The following CALCR variants were observed in gnomAD, a reference collection of about 807,000 sequenced individuals.
CALCR encodes the protein calcitonin receptor.
CALCR carries 47 observed loss-of-function variants against 59.5 expected under a neutral mutation model. The observed-to-expected ratio is 0.79, with a 90% confidence interval of 0.63 to 1.01. The LOEUF is 1.01. Among genes scored for constraint, CALCR ranks in the 50% least tolerant of loss-of-function variants. The pLI, the probability that CALCR is intolerant of heterozygous loss-of-function variation, is 0.00. For synonymous variants in CALCR, 213 were observed against 211.3 expected, an observed-to-expected ratio of 1.01 and a Z score of -0.07; for missense variants, 566 against 597.1, an observed-to-expected ratio of 0.95 and a Z score of 0.54.
chr7:93,460,591 A>ATATATATATATATG (rs1346977328), intron 8 of CALCR, among the ~76,000 whole-genome samples: 3 of 115,598 alleles, frequency 2.6e-5, no homozygotes, highest in African/African-American at 1.2e-4. Flanking sequence ...ATATATATAT[A>ATATATATATATATG]TGTATATATA....
chr7:93,430,470 A>G (rs1799635619), intron 13 of CALCR, among the ~76,000 whole-genome samples: 2 of 152,162 alleles, frequency 1.3e-5, no homozygotes, highest in Admixed American at 6.5e-5. Flanking sequence ...ATTCCCATTC[A>G]TTATCTCTTT....
In CALCR at chr7:93,438,690, C is replaced by T. The variant is rs73419373; in HGVS notation, c.803-420G>A. On this transcript the variant is annotated intron_variant, in intron 9 of 13. Transcript: ENST00000426151. ...TGGGACGGTGTATGAAAGCAATAGT[C>T]TGATTGCTCCTAAAGCCTTAGCTGA... 7.6e-3 allele frequency among the ~76,000 whole-genome samples: 1,159 copies of T among 152,284 alleles called. 20 individuals are homozygous for T. The highest frequency in any genetic ancestry group is 0.026 in the African/African-American group (1,080 of 41,556).
chr7:93,559,334 C>A (rs562942890), intron 2 of CALCR, among the ~76,000 whole-genome samples: 40 of 152,096 alleles, frequency 2.6e-4, no homozygotes, highest in African/African-American at 9.6e-4. Flanking sequence ...AGACACAACA[C>A]ATCAGTTTCC....
intron 5 of CALCR, among the ~76,000 whole-genome samples, chr7:93,473,275 G>T (rs935255741): frequency 6.6e-6 from 1 of 151,780 alleles, no homozygotes; most frequent in Non-Finnish European, 1.5e-5. Flanking sequence ...CTTCTTTAAC[G>T]TTAATAATGA....
At chr7:93,500,314 C>A (rs1389700973) in intron 2 of CALCR, among the ~76,000 whole-genome samples, 1 of 151,858 alleles carries the variant, frequency 6.6e-6, no homozygotes, top group Non-Finnish European at 1.5e-5. Flanking sequence ...CTCTTAGTCA[C>A]CTTTAACATT....
chr7:93,502,454 G>A (rs1232168705), intron 2 of CALCR, among the ~76,000 whole-genome samples: 1 of 151,998 alleles, frequency 6.6e-6, no homozygotes, highest in Non-Finnish European at 1.5e-5. Flanking sequence ...TTGAAAATAA[G>A]TTGTCAATGA....
At chr7:93,469,294 G>A (rs1194505985) in intron 6 of CALCR, among the ~76,000 whole-genome samples, 6 of 149,862 alleles carry the variant, frequency 4.0e-5, no homozygotes, top group Admixed American at 3.4e-4. Flanking sequence ...GGTTGAAGCC[G>A]AAACCTTTCC....
chr7:93,429,275 C>T (rs1031750144), intron 13 of CALCR, among the ~76,000 whole-genome samples: 6 of 152,122 alleles, frequency 3.9e-5, no homozygotes, highest in Non-Finnish European at 8.8e-5. Flanking sequence ...TCTGATGCTG[C>T]TCTGATGACA....
chr7:93,521,990 C>A (rs1021043999), intron 2 of CALCR, among the ~76,000 whole-genome samples: 2 of 152,090 alleles, frequency 1.3e-5, no homozygotes, highest in Admixed American at 1.3e-4. Context: ...TTCCGTTTCC[C>A]TTTCCCCAAT....
At chr7:93,513,900 T>C (rs1047825107) in intron 2 of CALCR, among the ~76,000 whole-genome samples, 1 of 151,948 alleles carries the variant, frequency 6.6e-6, no homozygotes, top group African/African-American at 2.4e-5. Flanking sequence ...AATAAATATT[T>C]ATTTCATTTC....
chr7:93,549,045 G>A (rs1789378495), intron 2 of CALCR, among the ~76,000 whole-genome samples: 1 of 152,026 alleles, frequency 6.6e-6, no homozygotes. Context: ...TTTGGGAAGG[G>A]AAATGGAAAT....
At chr7:93,497,481 T>A (rs1250003695) in intron 2 of CALCR, among the ~76,000 whole-genome samples, 2 of 151,606 alleles carry the variant, frequency 1.3e-5, no homozygotes, top group East Asian at 1.9e-4. Context: ...AGTTTGTGGA[T>A]GAGCAACTCA....
intron 9 of CALCR, among the ~76,000 whole-genome samples, chr7:93,438,683 C>T (rs763797714): frequency 9.9e-5 from 15 of 152,154 alleles, no homozygotes; most frequent in Non-Finnish European, 1.9e-4. Flanking sequence ...TGTATGAAAG[C>T]AATAGTCTGA....
In CALCR at chr7:93,501,133, T is replaced by C. The variant is rs74846219; in HGVS notation, c.-26-14126A>G. ...GGATCTCTAAATGTCAGCAACGATA[T>C]ACAAATAGTTCTCATCATAGCAGTT... On this transcript the variant is annotated intron_variant, in intron 2 of 13. Transcript: ENST00000426151. Among the ~76,000 whole-genome samples, 611 of 152,146 alleles carry C rather than the reference T, an allele frequency of 4.0e-3. 9 individuals carry two copies. The highest frequency in any genetic ancestry group is 0.014 in the African/African-American group (584 of 41,552).
rs1460025528 is a variant in CALCR at position 93,443,619 on chromosome 7, A to C, written c.787T>G (p.Tyr263Asp). Residue 263 changes from tyrosine (Y) to aspartate (D), a missense_variant, in exon 9 of 14, where the codon TAT becomes GAT. Physicochemically the swap from Tyr to Asp is radical, Grantham distance 160 (BLOSUM62 -3). Transcript: ENST00000426151. The part of the protein sequence containing the change: ...FTEKQRLRWY[Y>D]LLGWGFPLVP... ...AAATACATACCCCAGCCCAAGAGATAATACCACCGCAAGCGTTGCTTCTCA... is the reference window on the plus strand; with the variant it reads ...AAATACATACCCCAGCCCAAGAGATCATACCACCGCAAGCGTTGCTTCTCA... 3.1e-6 allele frequency: 5 copies of C among 1,613,158 alleles called. No individual in the cohort carries two copies. The highest frequency in any genetic ancestry group is 4.2e-6 in the Non-Finnish European group (5 of 1,179,494).
intron 2 of CALCR, among the ~76,000 whole-genome samples, chr7:93,553,316 G>C (rs1419208408): frequency 6.6e-6 from 1 of 152,074 alleles, no homozygotes; most frequent in African/African-American, 2.4e-5. Flanking sequence ...TGCTCAACAA[G>C]GGAAGAGCTG....
chr7:93,521,917 G>A (rs1801773246), intron 2 of CALCR, among the ~76,000 whole-genome samples: 1 of 152,248 alleles, frequency 6.6e-6, no homozygotes, highest in African/African-American at 2.4e-5. Flanking sequence ...TGGCTTTACA[G>A]TATCATTTTG....
intron 8 of CALCR, among the ~76,000 whole-genome samples, chr7:93,452,920 T>C (rs1241730861): frequency 2.6e-5 from 4 of 152,058 alleles, no homozygotes; most frequent in African/African-American, 9.7e-5. Context: ...CTATATGGTA[T>C]AGTGAGAGTC....
At chr7:93,554,678 T>C (rs41485553) in intron 2 of CALCR, among the ~76,000 whole-genome samples, 100,826 of 149,808 alleles carry the variant, frequency 0.67, 35,427 homozygotes, top group African/African-American at 0.89. Flanking sequence ...AATCTAAGCA[T>C]TACGTTCCAA....
Sources: allele counts gnomAD v4.1 joint callset (sites outside exome capture counted in the v4.1 genomes callset), GRCh38; gene constraint gnomAD v4.1.1; transcripts MANE v1.5; gene names NCBI Gene and HGNC (gene_info 2026-07-23, HGNC 2026-07-21).